MYO1D: variants seen among roughly 807,000 people sequenced by gnomAD.
The protein encoded by MYO1D is myosin ID.
MYO1D carries 83 observed loss-of-function variants against 122.0 expected under a neutral mutation model. The observed-to-expected ratio is 0.68, with a 90% CI of 0.57 to 0.82. The LOEUF (loss-of-function observed/expected upper bound fraction) is 0.82, where lower values mean the gene tolerates loss of function less well. Ranked by LOEUF, MYO1D falls within the 40% of genes least tolerant of loss-of-function variation. The probability of loss-of-function intolerance (pLI) is 0.00; values close to 1 mark genes in which losing one functional copy is unlikely to be tolerated. For missense variants in MYO1D, 1,157 were observed against 1,269.5 expected, an observed-to-expected ratio of 0.91 and a Z score of 1.35; for synonymous variants, 464 against 446.9, an observed-to-expected ratio of 1.04 and a Z score of -0.48.
chr17:32,802,088 T>C (rs535211643), intron 1 of MYO1D, among the ~76,000 whole-genome samples: 18 of 152,174 alleles, frequency 1.2e-4, no homozygotes, highest in Non-Finnish European at 2.4e-4. Context: ...CACATACCAT[T>C]GATTACAAGG....
chr17:32,526,293 A>G (rs1910340667), intron 21 of MYO1D, among the ~76,000 whole-genome samples: 1 of 152,186 alleles, frequency 6.6e-6, no homozygotes, highest in African/African-American at 2.4e-5. Context: ...TTCGAACTCA[A>G]CAAGAACTCC....
At chr17:32,677,076 C>G (rs2088821803) in intron 16 of MYO1D, among the ~76,000 whole-genome samples, 1 of 152,110 alleles carries the variant, frequency 6.6e-6, no homozygotes, top group African/African-American at 2.4e-5. Flanking sequence ...TCCCAAAGTG[C>G]TAGGATTACA....
intron 1 of MYO1D, chr17:32,830,290 G>C (rs2090759322): frequency 6.6e-6 from 1 of 152,162 alleles, no homozygotes; most frequent in Non-Finnish European, 1.5e-5. Flanking sequence ...GCAAGTGACT[G>C]AACAATCAAC....
intron 1 of MYO1D, among the ~76,000 whole-genome samples, chr17:32,862,570 G>A (rs1459662454): frequency 1.3e-5 from 2 of 152,198 alleles, no homozygotes; most frequent in Non-Finnish European, 2.9e-5. Context: ...TATTAACAAG[G>A]AGGGTGGGAT....
rs191150498 is a variant in MYO1D at position 32,731,378 on chromosome 17, G to T, written c.1746+6875C>A. ...TACTTAGTTTTTATTTCTATCAATTGTCTAGTTGCTTGTTCTCTCTCATTT... is the reference window on the plus strand; with the variant it reads ...TACTTAGTTTTTATTTCTATCAATTTTCTAGTTGCTTGTTCTCTCTCATTT... On this transcript the variant is annotated intron_variant, in intron 14 of 21. Coordinates refer to ENST00000318217, the MANE Select transcript of MYO1D (RefSeq NM_015194.3). Among the ~76,000 whole-genome samples, 360 of 152,108 alleles carry T rather than the reference G, an allele frequency of 2.4e-3. 4 individuals are homozygous for T. Among genetic ancestry groups the T allele is most frequent in the African/African-American group, 7.4e-3 (308 of 41,476 alleles).
chr17:32,560,030 G>A (rs1256590580), intron 21 of MYO1D, among the ~76,000 whole-genome samples: 3 of 152,338 alleles, frequency 2.0e-5, no homozygotes, highest in Middle Eastern at 6.8e-3. Context: ...GCCAAGGCGG[G>A]CAGATCACGA....
At chr17:32,872,184 A>G (rs2091185094) in intron 1 of MYO1D, among the ~76,000 whole-genome samples, 1 of 152,256 alleles carries the variant, frequency 6.6e-6, no homozygotes, top group South Asian at 2.1e-4. Context: ...AGCCCTCACA[A>G]TACAAGCAGG....
chr17:32,620,693 G>A (rs72815020), intron 20 of MYO1D, among the ~76,000 whole-genome samples: 8,770 of 152,194 alleles, frequency 0.058, 357 homozygotes, highest in East Asian at 0.2. Flanking sequence ...AGGGAGAAAT[G>A]CATCTCTTCC....
At chr17:32,527,902 G>C (rs996444176) in intron 21 of MYO1D, among the ~76,000 whole-genome samples, 1 of 147,270 alleles carries the variant, frequency 6.8e-6, no homozygotes, top group South Asian at 2.1e-4. Flanking sequence ...GCAGTGGCAC[G>C]ATCTTGGCTC....
intron 15 of MYO1D, among the ~76,000 whole-genome samples, chr17:32,716,770 T>C (rs1382834732): frequency 6.6e-6 from 1 of 152,222 alleles, no homozygotes; most frequent in Non-Finnish European, 1.5e-5. Context: ...TCAGCTCCCA[T>C]GGCAGGCAAG....
At chr17:32,743,424 C>T (rs765063507) in intron 13 of MYO1D, among the ~76,000 whole-genome samples, 1 of 152,074 alleles carries the variant, frequency 6.6e-6, no homozygotes, top group Non-Finnish European at 1.5e-5. Flanking sequence ...AACCAATTAG[C>T]GTTTCCTCTT....
chr17:32,685,281 T>C (rs1473994862), intron 16 of MYO1D, among the ~76,000 whole-genome samples: 1 of 152,174 alleles, frequency 6.6e-6, no homozygotes, highest in Non-Finnish European at 1.5e-5. Context: ...CTCCAAGTAA[T>C]GCGTAAGGAA....
intron 1 of MYO1D, among the ~76,000 whole-genome samples, chr17:32,793,769 G>A (rs2090383237): frequency 6.6e-6 from 1 of 152,162 alleles, no homozygotes; most frequent in Non-Finnish European, 1.5e-5. Flanking sequence ...GGATCTGGCT[G>A]CAGTTTAGCA....
chr17:32,620,160 A>T (rs1466990550), intron 20 of MYO1D, among the ~76,000 whole-genome samples: 1 of 152,106 alleles, frequency 6.6e-6, no homozygotes, highest in African/African-American at 2.4e-5. Context: ...AAACCTAGGC[A>T]TGTCCCTCTG....
At position 32,728,335 on chromosome 17, in the gene MYO1D, AG is replaced by A. The variant is rs2089599607; in HGVS notation, c.1747-7147del. Among the ~76,000 whole-genome samples the A allele has an allele frequency of 2.0e-5, 3 of 151,950 alleles. No individual in the cohort carries two copies. The South Asian group carries it at 6.2e-4, about 32-fold the overall frequency. On this transcript the variant is annotated intron_variant, in intron 14 of 21. Coordinates refer to ENST00000318217, the MANE Select transcript of MYO1D (RefSeq NM_015194.3). The stretch of plus-strand genomic sequence containing the variant: ...ATTCTCCTGCCTCAGCCTCCCGAAC[AG>A]CTGGGATTACAGGGTGCACACCACC...
chr17:32,821,119 T>C (rs2090658119), intron 1 of MYO1D, among the ~76,000 whole-genome samples: 1 of 152,204 alleles, frequency 6.6e-6, no homozygotes, highest in Non-Finnish European at 1.5e-5. Flanking sequence ...AGTAAGAGCA[T>C]GCAGTATTTG....
At chr17:32,559,636 C>G (rs2087099925) in intron 21 of MYO1D, among the ~76,000 whole-genome samples, 1 of 152,222 alleles carries the variant, frequency 6.6e-6, no homozygotes, top group Non-Finnish European at 1.5e-5. Flanking sequence ...GTTCCGGAGG[C>G]TGCCTGATTT....
At chr17:32,608,045 CAT>C (rs1330569655) in intron 20 of MYO1D, among the ~76,000 whole-genome samples, 3 of 152,174 alleles carry the variant, frequency 2.0e-5, no homozygotes, top group African/African-American at 7.2e-5. Flanking sequence ...TAGGAGAAAA[CAT>C]AGAAGAAAAT....
chr17:32,771,641 T>C (rs1179788517), intron 5 of MYO1D, among the ~76,000 whole-genome samples: 1 of 152,206 alleles, frequency 6.6e-6, no homozygotes, highest in African/African-American at 2.4e-5. Flanking sequence ...CAGACAGTCA[T>C]ATGCTGAATC....
Sources: gnomAD v4.1 joint callset for allele counts (sites outside exome capture counted in the v4.1 genomes callset) on GRCh38, gnomAD v4.1.1 for gene constraint, MANE v1.5 for transcripts, NCBI Gene and HGNC (gene_info 2026-07-23, HGNC 2026-07-21) for gene names.